The following GTF2F2 variants were observed in gnomAD, a reference collection of about 807,000 sequenced individuals.
GTF2F2 encodes general transcription factor IIF subunit 2, also known as ATP-dependent helicase GTF2F2.
Under a neutral mutation model 42.2 loss-of-function variants are expected in GTF2F2, and 23 were observed. That is an observed-to-expected ratio of 0.55 (90% CI 0.39 to 0.77). The LOEUF is 0.77. Ranked by LOEUF, GTF2F2 falls within the 30% of genes least tolerant of loss-of-function variation. The probability of loss-of-function intolerance (pLI) is 0.00; values close to 1 mark genes in which losing one functional copy is unlikely to be tolerated. For synonymous variants in GTF2F2, 105 were observed against 100.8 expected (o/e 1.04, Z -0.25); for missense variants, 261 against 287.2 (o/e 0.91, Z 0.66).
chr13:45,258,167 C>T (rs1876179260), intron 6 of GTF2F2, among the ~76,000 whole-genome samples: 1 of 151,878 alleles, frequency 6.6e-6, no homozygotes, highest in Admixed American at 6.6e-5. Flanking sequence ...TTAAATATGG[C>T]TTGTCATGCC....
chr13:45,201,371 A>G (rs1873172765), intron 4 of GTF2F2, among the ~76,000 whole-genome samples: 3 of 152,150 alleles, frequency 2.0e-5, no homozygotes. Flanking sequence ...GGAAAGTACT[A>G]GAGCAAACAA....
At chr13:45,212,478 T>TCTTTCTTTCTTG (rs1873710737) in intron 5 of GTF2F2, among the ~76,000 whole-genome samples, 2 of 121,858 alleles carry the variant, frequency 1.6e-5, no homozygotes, top group Non-Finnish European at 3.7e-5. Context: ...TTTCTTTCTT[T>TCTTTCTTTCTTG]CTTTCTTTCT....
chr13:45,192,750 C>CA (rs1373969207), intron 4 of GTF2F2: 2 of 152,044 alleles, frequency 1.3e-5, no homozygotes, highest in African/African-American at 4.8e-5. Context: ...ATTTAGCATC[C>CA]AAAAAGGTAT....
At chr13:45,169,362 G>A (rs1024891799) in intron 4 of GTF2F2, among the ~76,000 whole-genome samples, 1 of 152,186 alleles carries the variant, frequency 6.6e-6, no homozygotes, top group Non-Finnish European at 1.5e-5. Flanking sequence ...GGCCACAATT[G>A]AGTGGCCATC....
At chr13:45,128,441 C>T (rs970704697) in intron 1 of GTF2F2, among the ~76,000 whole-genome samples, 5 of 150,428 alleles carry the variant, frequency 3.3e-5, no homozygotes, top group Non-Finnish European at 7.4e-5. Flanking sequence ...GGCATGGTGG[C>T]GGGCGTCTAT....
chr13:45,165,819 T>TC (rs1347069614), intron 4 of GTF2F2, among the ~76,000 whole-genome samples: 1 of 145,690 alleles, frequency 6.9e-6, no homozygotes, highest in East Asian at 2.0e-4. Context: ...TTTTTTTTTT[T>TC]TTTTTTTTTT....
At chr13:45,203,241 T>C (rs1254414410) in intron 4 of GTF2F2, among the ~76,000 whole-genome samples, 1 of 124,844 alleles carries the variant, frequency 8.0e-6, no homozygotes, top group South Asian at 2.5e-4. Context: ...CACGCCCACC[T>C]TTTTTTTTTT....
At chr13:45,188,295 A>G (rs757737481) in intron 4 of GTF2F2, among the ~76,000 whole-genome samples, 25 of 152,356 alleles carry the variant, frequency 1.6e-4, no homozygotes, top group Admixed American at 9.2e-4. Flanking sequence ...AAAAGTCCCA[A>G]GAAACCTATT....
intron 5 of GTF2F2, among the ~76,000 whole-genome samples, 160 bp downstream of exon 5, chr13:45,207,665 A>G (rs1873473546): frequency 6.6e-6 from 1 of 152,196 alleles, no homozygotes; most frequent in South Asian, 2.1e-4. Flanking sequence ...TTTCTTTGGC[A>G]CTAAAGAAAT....
intron 5 of GTF2F2, among the ~76,000 whole-genome samples, chr13:45,226,339 C>T (rs1874353188): frequency 6.6e-6 from 1 of 152,102 alleles, no homozygotes; most frequent in Non-Finnish European, 1.5e-5. Flanking sequence ...TAACTTTCCC[C>T]ATCAGCATAT....
intron 1 of GTF2F2, among the ~76,000 whole-genome samples, chr13:45,132,799 G>A (rs577513835): frequency 6.6e-6 from 1 of 151,076 alleles, no homozygotes; most frequent in East Asian, 2.0e-4. Context: ...GGAAGAGGAA[G>A]TCAGGTCAGC....
rs370637257 is a variant in GTF2F2, at chr13:45,184,524, G to C, written c.305-22900G>C. On this transcript the variant is annotated intron_variant, in intron 4 of 7. Transcript: ENST00000340473. ...CCACTTCGACCTCCCCAAGTGCTGG[G>C]ATTACCATGTGAGCCACTGTAGCTA... Among the ~76,000 whole-genome samples the C allele has an allele frequency of 1.3e-4, 20 of 151,918 alleles. No individual in the cohort carries two copies. The East Asian group carries it at 3.7e-3, about 28-fold the overall frequency.
At chr13:45,278,829 T>C (rs1877140980) in intron 7 of GTF2F2, among the ~76,000 whole-genome samples, 1 of 137,698 alleles carries the variant, frequency 7.3e-6, no homozygotes, top group South Asian at 2.5e-4. Flanking sequence ...TTTTTTTTTT[T>C]TTTTTTTTTT....
At chr13:45,245,666 A>AATATATATATATATATATATATAT (rs372488927) in intron 5 of GTF2F2, among the ~76,000 whole-genome samples, 6 of 110,840 alleles carry the variant, frequency 5.4e-5, no homozygotes, top group African/African-American at 1.6e-4. Context: ...CCATGGTGTG[A>AATATATATATATATATATATATAT]ATATATATAT....
chr13:45,239,658 G>A (rs1207194607), intron 5 of GTF2F2, among the ~76,000 whole-genome samples: 1 of 152,142 alleles, frequency 6.6e-6, no homozygotes, highest in East Asian at 1.9e-4. Context: ...AGGCCCTTTC[G>A]GAACACATTT....
chr13:45,274,740 G>A (rs143907078), intron 7 of GTF2F2, among the ~76,000 whole-genome samples: 9 of 152,094 alleles, frequency 5.9e-5, no homozygotes, highest in East Asian at 1.9e-4. Context: ...CAAGGAGTTC[G>A]AGACCAGCCC....
At chr13:45,148,699 G>A (rs551093609) in intron 2 of GTF2F2, among the ~76,000 whole-genome samples, 23 of 151,976 alleles carry the variant, frequency 1.5e-4, no homozygotes, top group African/African-American at 5.6e-4. Flanking sequence ...CTGCTGGCTG[G>A]GACAGGGTTA....
intron 1 of GTF2F2, among the ~76,000 whole-genome samples, chr13:45,127,492 A>ATTTTTTT (rs34519885): frequency 1.5e-5 from 2 of 137,470 alleles, no homozygotes; most frequent in African/African-American, 5.5e-5. Flanking sequence ...CGCCCAACTA[A>ATTTTTTT]TTTTTTTTTT....
In GTF2F2 at chr13:45,264,942, A is replaced by G. The variant is rs181661020; in HGVS notation, c.487-2291A>G. Among the ~76,000 whole-genome samples the G allele has an allele frequency of 5.1e-4, 77 of 152,206 alleles. 1 individual carries two copies. The South Asian group carries it at 8.3e-3, about 16-fold the overall frequency. On this transcript the variant is annotated intron_variant, in intron 6 of 7. Coordinates refer to ENST00000340473, the MANE Select transcript of GTF2F2 (RefSeq NM_004128.3). ...GAAGGTGGAAACTGAGTATACCATC[A>G]CTTCTCTGCTATTTCCTGAATTTAA...
Sources: gnomAD v4.1 joint callset for allele counts (sites outside exome capture counted in the v4.1 genomes callset) on GRCh38, gnomAD v4.1.1 for gene constraint, MANE v1.5 for transcripts, NCBI Gene and HGNC (gene_info 2026-07-23, HGNC 2026-07-21) for gene names.